The following PPP1R9A variants were observed in gnomAD, a reference collection of about 807,000 sequenced individuals.
PPP1R9A encodes protein phosphatase 1 regulatory subunit 9A, also known as neurabin-1.
A neutral mutation model predicts 141.9 loss-of-function variants in PPP1R9A; 59 were observed. The ratio of observed to expected loss-of-function variants is 0.42; its 90% CI spans 0.34 to 0.52. The LOEUF (loss-of-function observed/expected upper bound fraction) is 0.52, where lower values mean the gene tolerates loss of function less well. PPP1R9A is among the 20% of genes least tolerant of loss of function. The pLI is 0.10. For synonymous variants in PPP1R9A, 500 were observed against 569.7 expected (o/e 0.88, Z 1.74); for missense variants, 1,444 against 1,611.9 (o/e 0.90, Z 1.78).
At chr7:95,074,055 T>A (rs1433110555) in intron 2 of PPP1R9A, among the ~76,000 whole-genome samples, 1 of 152,218 alleles carries the variant, frequency 6.6e-6, no homozygotes, top group Admixed American at 6.5e-5. Context: ...GTTTACTATG[T>A]GTGACATCTT....
intron 4 of PPP1R9A, among the ~76,000 whole-genome samples, chr7:95,150,827 A>G (rs1019447588): frequency 2.6e-5 from 4 of 152,372 alleles, no homozygotes; most frequent in South Asian, 2.1e-4. Context: ...TAAGAAAACT[A>G]TAACTTGATT....
At chr7:95,091,682 A>ATT (rs532529274) in intron 2 of PPP1R9A, among the ~76,000 whole-genome samples, 11 of 151,854 alleles carry the variant, frequency 7.2e-5, no homozygotes, top group Non-Finnish European at 1.6e-4. Context: ...ATGTAATTTA[A>ATT]TTTGCATTTC....
intron 4 of PPP1R9A, among the ~76,000 whole-genome samples, chr7:95,140,697 T>C (rs1214952535): frequency 6.6e-6 from 1 of 152,008 alleles, no homozygotes; most frequent in Non-Finnish European, 1.5e-5. Flanking sequence ...GGCCAGGAGA[T>C]GAGAGTAGTT....
chr7:95,044,744 T>C, intron 2 of PPP1R9A, among the ~76,000 whole-genome samples: 1 of 145,798 alleles, frequency 6.9e-6, no homozygotes, highest in South Asian at 2.2e-4. Flanking sequence ...TATATATATA[T>C]TTTTTTGTAG....
chr7:95,081,712 T>C (rs566535213), intron 2 of PPP1R9A, among the ~76,000 whole-genome samples: 1 of 152,300 alleles, frequency 6.6e-6, no homozygotes, highest in African/African-American at 2.4e-5. Flanking sequence ...CTGGAAATGC[T>C]CCTCTTCATA....
At chr7:95,155,922 T>C (rs1441349869) in intron 4 of PPP1R9A, 1 of 152,204 alleles carries the variant, frequency 6.6e-6, no homozygotes, top group Non-Finnish European at 1.5e-5. Context: ...AGGTTAAAAA[T>C]CTACAAATTA....
Position 95,252,203 on chromosome 7 carries a change from C to T in PPP1R9A, c.2665+73C>T, listed in dbSNP as rs1585470706. On this transcript the variant is annotated intron_variant, in intron 12 of 19. Transcript: ENST00000433360. ...TGGCCTTTTATTTTTCTTTTTCTGACCCAGAGATTTAAAAGTTGGAAATAC... is the reference window on the plus strand; with the variant it reads ...TGGCCTTTTATTTTTCTTTTTCTGATCCAGAGATTTAAAAGTTGGAAATAC... 4.2e-6 allele frequency: 6 copies of T among 1,417,416 alleles called. No homozygotes were observed. In the Middle Eastern group the frequency reaches 7.8e-4, roughly 185 times the overall value. 87.8% of individuals were successfully genotyped at this position (1,417,416 alleles called of 1,614,324 possible).
intron 3 of PPP1R9A, among the ~76,000 whole-genome samples, chr7:95,117,645 T>C (rs1821754968): frequency 6.6e-6 from 1 of 152,108 alleles, no homozygotes; most frequent in South Asian, 2.1e-4. Flanking sequence ...TCACTCAAGA[T>C]AGTTGCAGGA....
intron 2 of PPP1R9A, among the ~76,000 whole-genome samples, chr7:94,975,654 C>T (rs1339927679): frequency 6.6e-6 from 1 of 151,794 alleles, no homozygotes; most frequent in Non-Finnish European, 1.5e-5. Flanking sequence ...CAGGCCAGTT[C>T]ACAAATATTT....
intron 5 of PPP1R9A, among the ~76,000 whole-genome samples, chr7:95,197,092 G>T (rs1836399037): frequency 6.6e-6 from 1 of 151,994 alleles, no homozygotes; most frequent in South Asian, 2.1e-4. Flanking sequence ...TGAAAATTTT[G>T]ACCTTTAGTG....
chr7:94,997,400 T>C (rs2151484898), intron 2 of PPP1R9A, among the ~76,000 whole-genome samples: 1 of 152,318 alleles, frequency 6.6e-6, no homozygotes, highest in South Asian at 2.1e-4. Flanking sequence ...TTTAAATTTT[T>C]TGAAATTTGT....
intron 2 of PPP1R9A, among the ~76,000 whole-genome samples, chr7:95,072,684 TATATATTATGTA>T (rs1158154210): frequency 2.5e-5 from 3 of 118,722 alleles, no homozygotes; most frequent in African/African-American, 9.8e-5. Context: ...TATTACATAT[TATATATTATGTA>T]ATATAATATA....
chr7:94,976,064 A>AT (rs1448273493), intron 2 of PPP1R9A, among the ~76,000 whole-genome samples: 1 of 151,774 alleles, frequency 6.6e-6, no homozygotes, highest in East Asian at 1.9e-4. Flanking sequence ...GTGCTCCTGT[A>AT]TTTTTTTTAG....
chr7:95,096,196 A>C (rs917320661), intron 2 of PPP1R9A, among the ~76,000 whole-genome samples: 4 of 152,204 alleles, frequency 2.6e-5, no homozygotes, highest in African/African-American at 9.7e-5. Flanking sequence ...CATATATTTT[A>C]CATAATTTCA....
chr7:95,047,291 T>A (rs560392780), intron 2 of PPP1R9A, among the ~76,000 whole-genome samples: 33 of 152,324 alleles, frequency 2.2e-4, no homozygotes, highest in African/African-American at 7.7e-4. Flanking sequence ...ACAAATGCTT[T>A]AGAGTACATT....
intron 2 of PPP1R9A, among the ~76,000 whole-genome samples, chr7:95,079,216 T>A (rs535744405): frequency 1.3e-5 from 2 of 152,132 alleles, no homozygotes; most frequent in Non-Finnish European, 2.9e-5. Flanking sequence ...CCAGTTTTCC[T>A]AGCACCATTT....
At chr7:95,167,809 T>TA (rs35694823) in intron 5 of PPP1R9A, among the ~76,000 whole-genome samples, 18,529 of 147,962 alleles carry the variant, frequency 0.13, 1,242 homozygotes, top group East Asian at 0.2. Flanking sequence ...TTACAATAGT[T>TA]AAAAAAAAAA....
At chr7:94,933,085 A>G (rs1794361532) in intron 2 of PPP1R9A, among the ~76,000 whole-genome samples, 1 of 152,046 alleles carries the variant, frequency 6.6e-6, no homozygotes, top group Admixed American at 6.6e-5. Context: ...TATATGACAT[A>G]TATATACACA....
At chr7:95,120,882 T>G in intron 4 of PPP1R9A, 50 bp downstream of exon 4, 2 of 1,556,530 alleles carry the variant, frequency 1.3e-6, no homozygotes, top group Non-Finnish European at 1.7e-6. Context: ...AGAACTTTCC[T>G]GGAAGTTTCC....
Sources: allele counts gnomAD v4.1 joint callset (sites outside exome capture counted in the v4.1 genomes callset), GRCh38; gene constraint gnomAD v4.1.1; transcripts MANE v1.5; gene names NCBI Gene and HGNC (gene_info 2026-07-23, HGNC 2026-07-21).